Variants in TBC1D4 observed in about 807,000 individuals in gnomAD.
The protein encoded by TBC1D4 is TBC1 domain family member 4, also known as TBC (Tre-2, BUB2, CDC16) domain-containing protein.
In TBC1D4, 121 loss-of-function variants were observed where a neutral mutation model predicts 142.5. That is an observed-to-expected ratio of 0.85 (90% CI 0.73 to 0.99). TBC1D4 has a LOEUF of 0.99. TBC1D4 is among the 50% of genes least tolerant of loss of function. The probability of loss-of-function intolerance (pLI) is 0.00; values close to 1 mark genes in which losing one functional copy is unlikely to be tolerated. For missense variants in TBC1D4, 1,475 were observed against 1,606.6 expected, an observed-to-expected ratio of 0.92 and a Z score of 1.40; for synonymous variants, 630 against 628.2, an observed-to-expected ratio of 1.00 and a Z score of -0.04.
intron 1 of TBC1D4, among the ~76,000 whole-genome samples, chr13:75,405,169 T>C (rs954552236): frequency 3.3e-5 from 5 of 152,052 alleles, no homozygotes; most frequent in Non-Finnish European, 5.9e-5. Context: ...AAACAAACCA[T>C]GTCGCAGAAT....
intron 12 of TBC1D4, among the ~76,000 whole-genome samples, chr13:75,317,881 G>A (rs76238411): frequency 0.045 from 6,797 of 152,142 alleles, 386 homozygotes; most frequent in Admixed American, 0.16. Context: ...AAAATGTCCC[G>A]TATTACATAT....
chr13:75,443,394 A>T (rs1887136359), intron 1 of TBC1D4, among the ~76,000 whole-genome samples: 2 of 152,236 alleles, frequency 1.3e-5, no homozygotes, highest in South Asian at 4.1e-4. Flanking sequence ...AAATTTAATT[A>T]TATCTAAATC....
At chr13:75,367,391 A>T (rs1418949754) in intron 1 of TBC1D4, among the ~76,000 whole-genome samples, 2 of 152,186 alleles carry the variant, frequency 1.3e-5, no homozygotes, top group African/African-American at 2.4e-5. Flanking sequence ...TCAGCGTGAG[A>T]ATAAGCTTCC....
In TBC1D4 at chr13:75,362,183, T is replaced by A; in HGVS notation, c.923A>T (p.Glu308Val). The A allele has an allele frequency of 1.9e-6, 3 of 1,613,468 alleles. No homozygotes were observed. Among genetic ancestry groups the A allele is most frequent in the Non-Finnish European group, 2.5e-6 (3 of 1,179,964 alleles). Residue 308 changes from glutamate (E) to valine (V), a missense_variant, in exon 2 of 21, where the codon GAG (glutamate) becomes GTG (valine). Transcript: ENST00000377636. This position sits in a 1 kb window ranked among gnomAD's most constrained non-coding sequence, Gnocchi z 4.2. Reference protein sequence around the residue: ...ERILEDSGFDEQQEFRSRCSS... With the variant: ...ERILEDSGFDVQQEFRSRCSS... ...GCACCGAGACCGAAACTCCTGCTGC[T>A]CATCAAAGCCAGAATCTTCCAAAAT...
chr13:75,445,641 C>T (rs1041581612), intron 1 of TBC1D4, among the ~76,000 whole-genome samples: 2 of 152,036 alleles, frequency 1.3e-5, no homozygotes, highest in Non-Finnish European at 2.9e-5. Flanking sequence ...TTATCTGTTA[C>T]TGGTATAAAA....
chr13:75,403,833 T>C (rs1353334660), intron 1 of TBC1D4, among the ~76,000 whole-genome samples: 1 of 152,162 alleles, frequency 6.6e-6, no homozygotes, highest in Non-Finnish European at 1.5e-5. Flanking sequence ...ACAATTAATG[T>C]GAACAGAGAC....
chr13:75,295,118 A>G, intron 17 of TBC1D4, 105 bp from the exon 18 acceptor site: 2 of 1,042,622 alleles, frequency 1.9e-6, no homozygotes, highest in Non-Finnish European at 2.8e-6. Flanking sequence ...AAATTCACAT[A>G]TATAAGTAGT....
chr13:75,473,253 G>T (rs570017537), intron 1 of TBC1D4, among the ~76,000 whole-genome samples: 1 of 152,100 alleles, frequency 6.6e-6, no homozygotes, highest in East Asian at 1.9e-4. Context: ...TGCTTGCTTC[G>T]GCCTCCCAAT....
chr13:75,307,374 A>G (rs1877289104), intron 14 of TBC1D4, among the ~76,000 whole-genome samples: 1 of 152,240 alleles, frequency 6.6e-6, no homozygotes, highest in African/African-American at 2.4e-5. Flanking sequence ...GGTCTAACAT[A>G]TCCGCCCAGA....
At position 75,310,096 on chromosome 13, in the gene TBC1D4, C is replaced by A; in HGVS notation, c.2439G>T (p.Glu813Asp). ...LPLSPLSPTM[E>D]EEPLVVFLSG... ...ACAGGAATACAACCAGCGGTTCCTC[C>A]TCCATGGTTGGAGAGAGGGGGGACA... Residue 813 changes from glutamate (E) to aspartate (D), a missense_variant, in exon 14 of 21, where the codon GAG (glutamate) becomes GAT (aspartate). By Grantham distance (45) the Glu-to-Asp change is conservative. Transcript: ENST00000377636. The A allele has an allele frequency of 1.2e-6, 2 of 1,614,100 alleles. No individual in the cohort carries two copies. The highest frequency in any genetic ancestry group is 1.7e-6 in the Non-Finnish European group (2 of 1,180,008).
intron 1 of TBC1D4, among the ~76,000 whole-genome samples, chr13:75,430,821 C>T (rs1178778516): frequency 1.3e-5 from 2 of 152,142 alleles, no homozygotes; most frequent in Non-Finnish European, 2.9e-5. Context: ...CCACCCCTTC[C>T]TTTTCATATG....
At chr13:75,407,385 T>G (rs1403145822) in intron 1 of TBC1D4, among the ~76,000 whole-genome samples, 1 of 152,178 alleles carries the variant, frequency 6.6e-6, no homozygotes, top group Non-Finnish European at 1.5e-5. Context: ...CCGGAAAGAT[T>G]ACACTTCTGA....
At chr13:75,475,372 G>T (rs1888593229) in intron 1 of TBC1D4, among the ~76,000 whole-genome samples, 1 of 152,232 alleles carries the variant, frequency 6.6e-6, no homozygotes. Flanking sequence ...GTAACTGCAT[G>T]TTGGCTTGGT....
At chr13:75,455,425 A>C (rs1252862609) in intron 1 of TBC1D4, among the ~76,000 whole-genome samples, 2 of 152,200 alleles carry the variant, frequency 1.3e-5, no homozygotes, top group Non-Finnish European at 2.9e-5. Context: ...GTTTAAAAAA[A>C]AAGTCTTACA....
intron 8 of TBC1D4, among the ~76,000 whole-genome samples, chr13:75,329,652 C>T (rs1879579905): frequency 6.6e-6 from 1 of 152,142 alleles, no homozygotes; most frequent in Non-Finnish European, 1.5e-5. Context: ...TTTAATTCCT[C>T]ATTTGGGTGA....
At chr13:75,421,479 T>C (rs372867569) in intron 1 of TBC1D4, among the ~76,000 whole-genome samples, 5 of 152,316 alleles carry the variant, frequency 3.3e-5, no homozygotes, top group African/African-American at 1.2e-4. Context: ...TGGGAAACTG[T>C]TACTAAGTAA....
intron 17 of TBC1D4, among the ~76,000 whole-genome samples, chr13:75,296,290 G>A (rs1405045689): frequency 1.3e-5 from 2 of 151,700 alleles, no homozygotes; most frequent in African/African-American, 4.8e-5. Flanking sequence ...TCGTAGAAAC[G>A]AGAAATTCTG....
chr13:75,368,826 T>C (rs1378564652), intron 1 of TBC1D4, among the ~76,000 whole-genome samples: 1 of 152,068 alleles, frequency 6.6e-6, no homozygotes, highest in Non-Finnish European at 1.5e-5. Flanking sequence ...GGTGGATCAC[T>C]TGAGGTCAGG....
At chr13:75,435,360 A>T (rs1475144053) in intron 1 of TBC1D4, among the ~76,000 whole-genome samples, 1 of 151,946 alleles carries the variant, frequency 6.6e-6, no homozygotes, top group Non-Finnish European at 1.5e-5. Context: ...ACGACTAAAA[A>T]AAAAAAACTT....
Sources: allele counts gnomAD v4.1 joint callset (sites outside exome capture counted in the v4.1 genomes callset), GRCh38; gene constraint gnomAD v4.1.1; non-coding constraint Gnocchi (gnomAD v3.1); transcripts MANE v1.5; gene names NCBI Gene and HGNC (gene_info 2026-07-23, HGNC 2026-07-21).